The following ARHGAP5 variants were observed in gnomAD, a reference collection of about 807,000 sequenced individuals.
The protein encoded by ARHGAP5 is Rho GTPase activating protein 5.
In ARHGAP5, 23 loss-of-function variants were observed where a neutral mutation model predicts 116.6. The ratio of observed to expected loss-of-function variants is 0.20; its 90% CI spans 0.14 to 0.28. ARHGAP5 has a LOEUF of 0.28. Among genes scored for constraint, ARHGAP5 ranks in the 10% least tolerant of loss-of-function variants. ARHGAP5 has a pLI of 1.00. For missense variants in ARHGAP5, 1,405 were observed against 1,774.8 expected (o/e 0.79, Z 3.74); for synonymous variants, 574 against 602.0 (o/e 0.95, Z 0.68).
intron 3 of ARHGAP5, among the ~76,000 whole-genome samples, chr14:32,119,285 C>T (rs769258478): frequency 6.6e-6 from 1 of 151,926 alleles, no homozygotes; most frequent in African/African-American, 2.4e-5. Context: ...TAAGGTTCAA[C>T]TTGTAAATAT....
intron 2 of ARHGAP5, among the ~76,000 whole-genome samples, chr14:32,108,385 AG>A (rs1410865443): frequency 6.6e-6 from 1 of 151,988 alleles, no homozygotes; most frequent in Non-Finnish European, 1.5e-5. Flanking sequence ...GATGGGGAAT[AG>A]GAGTGATTCT....
At chr14:32,077,534 T>G (rs2041719628) in intron 1 of ARHGAP5, 99 bp downstream of exon 1, 3 of 626,542 alleles carry the variant, frequency 4.8e-6, no homozygotes, top group Admixed American at 5.1e-5. Context: ...CGCTGCCGGT[T>G]GTAACCAGTT....
At position 32,077,353 on chromosome 14, in the gene ARHGAP5, G is replaced by A. The variant is rs2041714295; in HGVS notation, c.-251G>A. 1 of 697,890 alleles carries A rather than the reference G, an allele frequency of 1.4e-6. No homozygotes were observed. The highest frequency in any genetic ancestry group is 2.6e-6 in the Non-Finnish European group (1 of 383,532). 43.2% of individuals were successfully genotyped at this position (697,890 alleles called of 1,614,324 possible). On this transcript the variant is annotated 5_prime_UTR_variant, in exon 1 of 7. Coordinates refer to ENST00000345122, the MANE Select transcript of ARHGAP5 (RefSeq NM_001030055.2). Reference sequence around the variant, plus strand: ...GGAGGAGGAGGCGGCGGCGGCGGGAGCGGTCCCCAGGAATGTCGCTGCCGC... The same window carrying A: ...GGAGGAGGAGGCGGCGGCGGCGGGAACGGTCCCCAGGAATGTCGCTGCCGC...
intron 2 of ARHGAP5, among the ~76,000 whole-genome samples, chr14:32,100,237 G>A (rs142943663): frequency 5.0e-4 from 76 of 152,310 alleles, no homozygotes; most frequent in African/African-American, 1.7e-3. Flanking sequence ...ATCTTGCTGT[G>A]TTGCCCAGGC....
At chr14:32,083,094 C>G (rs532896679) in intron 1 of ARHGAP5, among the ~76,000 whole-genome samples, 6 of 152,226 alleles carry the variant, frequency 3.9e-5, no homozygotes, top group Non-Finnish European at 8.8e-5. Flanking sequence ...CCTGGAGAGA[C>G]GACTTTACAA....
At chr14:32,109,745 A>G (rs1219481509) in intron 2 of ARHGAP5, among the ~76,000 whole-genome samples, 2 of 152,042 alleles carry the variant, frequency 1.3e-5, no homozygotes, top group South Asian at 4.1e-4. Flanking sequence ...ATATTTGCAA[A>G]CTTTTTAAAA....
chr14:32,081,836 C>T (rs1161081335), intron 1 of ARHGAP5, among the ~76,000 whole-genome samples: 1 of 152,126 alleles, frequency 6.6e-6, no homozygotes, highest in South Asian at 2.1e-4. Context: ...CTTACCTTTT[C>T]AGAGCCAAGG....
intron 3 of ARHGAP5, among the ~76,000 whole-genome samples, chr14:32,140,745 C>T (rs1017880259): frequency 9.9e-5 from 15 of 152,054 alleles, no homozygotes; most frequent in Non-Finnish European, 1.6e-4. Context: ...GCCTAACATA[C>T]GGTGTTTCCT....
intron 4 of ARHGAP5, 33 bp from the exon 5 acceptor site, chr14:32,149,869 A>T: frequency 1.6e-6 from 2 of 1,288,022 alleles, no homozygotes; most frequent in Non-Finnish European, 2.1e-6. Context: ...AAGTTTTATT[A>T]TATAATTTAA....
At chr14:32,090,472 A>G (rs1230601630) in intron 1 of ARHGAP5, 30 bp from the exon 2 acceptor site, 6 of 510,042 alleles carry the variant, frequency 1.2e-5, no homozygotes, top group Non-Finnish European at 2.1e-5. Flanking sequence ...TTTGTGATTA[A>G]GATTTGTTCT....
chr14:32,149,632 C>T (rs189964901), intron 4 of ARHGAP5, among the ~76,000 whole-genome samples: 254 of 151,804 alleles, frequency 1.7e-3, no homozygotes, highest in Non-Finnish European at 2.8e-3. Context: ...ATTAGCCGGG[C>T]GTGGTGACGG....
At chr14:32,090,286 CATT>C (rs375844907) in intron 1 of ARHGAP5, among the ~76,000 whole-genome samples, 4 of 152,006 alleles carry the variant, frequency 2.6e-5, no homozygotes, top group African/African-American at 7.2e-5. Flanking sequence ...GTTTGTGAGA[CATT>C]ATGTTAGATT....
In ARHGAP5 at chr14:32,092,694, T is replaced by A. The variant is rs769083114; in HGVS notation, c.2025T>A (p.Ile675=). 2 of 1,613,874 alleles carry A rather than the reference T, an allele frequency of 1.2e-6. No individual in the cohort carries two copies. The highest frequency in any genetic ancestry group is 1.7e-6 in the Non-Finnish European group (2 of 1,179,862). Residue 675 remains isoleucine, a synonymous_variant, in exon 2 of 7, where the codon ATT becomes ATA. Transcript: ENST00000345122. This position sits in a 1 kb window ranked among gnomAD's most constrained non-coding sequence, Gnocchi z 4.1. ...IESLSFIGEF[I]GKIRTEASQI... ...CATTGAGTTTTATTGGGGAATTTAT[T>A]GGGAAAATAAGAACTGAAGCTTCTC...
intron 2 of ARHGAP5, among the ~76,000 whole-genome samples, chr14:32,105,107 G>A (rs914481581): frequency 5.3e-5 from 8 of 152,144 alleles, no homozygotes; most frequent in African/African-American, 1.9e-4. Flanking sequence ...AAACCCTGGT[G>A]TAGGAGACTA....
intron 3 of ARHGAP5, among the ~76,000 whole-genome samples, chr14:32,136,191 G>T (rs1880783738): frequency 6.6e-6 from 1 of 152,086 alleles, no homozygotes; most frequent in Non-Finnish European, 1.5e-5. Flanking sequence ...GAGGCATTTA[G>T]TATATTCACA....
chr14:32,106,229 C>A (rs1386191179), intron 2 of ARHGAP5, among the ~76,000 whole-genome samples: 3 of 152,144 alleles, frequency 2.0e-5, no homozygotes, highest in South Asian at 2.1e-4. Context: ...TCAAGTAATT[C>A]TCTGCCTCAG....
chr14:32,087,579 T>C (rs1217001823), intron 1 of ARHGAP5, among the ~76,000 whole-genome samples: 3 of 147,832 alleles, frequency 2.0e-5, no homozygotes, highest in African/African-American at 7.5e-5. Flanking sequence ...GTTGGAAGGA[T>C]TCTTCCAACA....
chr14:32,140,087 G>GTTGTTTTTTTTTTTTTTTTTT, intron 3 of ARHGAP5, among the ~76,000 whole-genome samples: 1 of 29,854 alleles, frequency 3.3e-5, no homozygotes, highest in African/African-American at 1.5e-4. Context: ...TTTTTTTTAG[G>GTTGTTTTTTTTTTTTTTTTTT]TTATTTGTTC....
intron 2 of ARHGAP5, among the ~76,000 whole-genome samples, chr14:32,101,652 C>CAA (rs779208798): frequency 1.8e-4 from 18 of 97,684 alleles, no homozygotes; most frequent in African/African-American, 2.6e-4. Context: ...TTGTGAAGGC[C>CAA]AAAAAAAAAA....
Sources: gnomAD v4.1 joint callset for allele counts (sites outside exome capture counted in the v4.1 genomes callset) on GRCh38, gnomAD v4.1.1 for gene constraint, Gnocchi (gnomAD v3.1) non-coding constraint, MANE v1.5 for transcripts, NCBI Gene and HGNC (gene_info 2026-07-23, HGNC 2026-07-21) for gene names.